The following CDH20 variants were observed in gnomAD, a reference collection of about 807,000 sequenced individuals.
CDH20 encodes the protein cadherin-20.
In CDH20, 29 loss-of-function variants were observed where a neutral mutation model predicts 74.2. That is an observed-to-expected ratio of 0.39 (90% CI 0.29 to 0.53). The LOEUF is 0.53. Ranked by LOEUF, CDH20 falls within the 20% of genes least tolerant of loss-of-function variation. The pLI is 0.69. For missense variants in CDH20, 988 were observed against 1,048.3 expected (o/e 0.94, Z 0.79); for synonymous variants, 469 against 405.4 (o/e 1.16, Z -1.88).
At chr18:61,525,089 G>C (rs1912343866) in intron 6 of CDH20, among the ~76,000 whole-genome samples, 1 of 151,978 alleles carries the variant, frequency 6.6e-6, no homozygotes, top group African/African-American at 2.4e-5. Flanking sequence ...GCCAGGGGCT[G>C]GGTGGGAGGG....
At chr18:61,448,432 C>T (rs893626970) in intron 1 of CDH20, among the ~76,000 whole-genome samples, 2 of 152,078 alleles carry the variant, frequency 1.3e-5, no homozygotes, top group Non-Finnish European at 2.9e-5. Flanking sequence ...TGAGAAAAGG[C>T]AAAAGCCAGA....
chr18:61,487,268 T>C (rs142025967), intron 1 of CDH20, among the ~76,000 whole-genome samples: 3 of 152,332 alleles, frequency 2.0e-5, no homozygotes, highest in East Asian at 1.9e-4. Context: ...TTGCTATTCA[T>C]ATCCTCTAGG....
chr18:61,411,063 G>T (rs1367607418), intron 1 of CDH20, among the ~76,000 whole-genome samples: 2 of 152,126 alleles, frequency 1.3e-5, no homozygotes, highest in African/African-American at 4.8e-5. Flanking sequence ...AGCAGGGCGT[G>T]GTGGCGGGAG....
At chr18:61,530,027 T>A (rs554154051) in intron 7 of CDH20, among the ~76,000 whole-genome samples, 3 of 152,026 alleles carry the variant, frequency 2.0e-5, no homozygotes, top group African/African-American at 4.8e-5. Flanking sequence ...GATCCTGAGA[T>A]GAAAATTGGT....
At chr18:61,420,357 CTTT>C (rs60607711) in intron 1 of CDH20, among the ~76,000 whole-genome samples, 5 of 135,192 alleles carry the variant, frequency 3.7e-5, no homozygotes, top group Admixed American at 7.4e-5. Context: ...TCTTCACAGG[CTTT>C]TTTTTTTTTT....
At chr18:61,355,218 A>G (rs1184335180) in intron 1 of CDH20, among the ~76,000 whole-genome samples, 1 of 152,348 alleles carries the variant, frequency 6.6e-6, no homozygotes, top group African/African-American at 2.4e-5. Context: ...AGTTCAAATT[A>G]TTCTACTGTT....
At chr18:61,465,767 A>G (rs1227955149) in intron 1 of CDH20, among the ~76,000 whole-genome samples, 1 of 152,140 alleles carries the variant, frequency 6.6e-6, no homozygotes, top group Non-Finnish European at 1.5e-5. Context: ...TTCTAATTCT[A>G]TTTCTAATTC....
intron 1 of CDH20, among the ~76,000 whole-genome samples, chr18:61,348,858 T>C (rs1390377): frequency 0.076 from 11,543 of 152,094 alleles, 622 homozygotes; most frequent in Middle Eastern, 0.15. Flanking sequence ...ATAACTACAT[T>C]TTATTTTTAT....
At chr18:61,390,400 G>A (rs543254023) in intron 1 of CDH20, among the ~76,000 whole-genome samples, 2 of 152,262 alleles carry the variant, frequency 1.3e-5, no homozygotes, top group African/African-American at 4.8e-5. Flanking sequence ...GGCCCAGAAT[G>A]CTAGAGTAAA....
In CDH20 at chr18:61,360,988, G is replaced by A. The variant is rs145984407; in HGVS notation, c.-153+27161G>A. On this transcript the variant is annotated intron_variant, in intron 1 of 11. Coordinates refer to ENST00000262717, the MANE Select transcript of CDH20 (RefSeq NM_031891.4). ...TTTATGCCTCAGTATTTTGAAGCAA[G>A]TGTGCATGTTAAATCTCAGTCGGGG... Among the ~76,000 whole-genome samples, 363 of 152,350 alleles carry A rather than the reference G, an allele frequency of 2.4e-3. 1 individual carries two copies. Among genetic ancestry groups the A allele is most frequent in the African/African-American group, 8.5e-3 (355 of 41,570 alleles).
intron 1 of CDH20, among the ~76,000 whole-genome samples, chr18:61,349,342 T>C (rs140466219): frequency 6.6e-6 from 1 of 152,222 alleles, no homozygotes; most frequent in African/African-American, 2.4e-5. Context: ...TGTTAGCAGT[T>C]TGAAATTCTA....
rs183370275 is a variant in CDH20, at chr18:61,380,724, G to A, written c.-153+46897G>A. Among the ~76,000 whole-genome samples the A allele has an allele frequency of 8.7e-4, 132 of 152,240 alleles. 2 individuals carry two copies. Among genetic ancestry groups the A allele is most frequent in the African/African-American group, 3.0e-3 (126 of 41,546 alleles). ...CTTGGGAGGCTGAGGCAGGAGAATC[G>A]CTTGAACCCAGGAGGCAGAGATTGC... On this transcript the variant is annotated intron_variant, in intron 1 of 11. Coordinates refer to ENST00000262717, the MANE Select transcript of CDH20 (RefSeq NM_031891.4).
intron 7 of CDH20, among the ~76,000 whole-genome samples, chr18:61,528,595 C>T (rs1302143557): frequency 2.0e-5 from 3 of 152,028 alleles, no homozygotes; most frequent in Non-Finnish European, 2.9e-5. Context: ...CTGGCCTTTA[C>T]GCACGAAATG....
At position 61,360,537 on chromosome 18, in the gene CDH20, G is replaced by T. The variant is rs560513125; in HGVS notation, c.-153+26710G>T. 3.9e-5 allele frequency among the ~76,000 whole-genome samples: 6 copies of T among 152,306 alleles called. No homozygotes were observed. The South Asian group carries it at 1.2e-3, about 32-fold the overall frequency. ...GAGCCCAGGCAGGAGGCGAGGGGAG[G>T]GGAGGGTAGGGGAGAGCTGAGATTT... On this transcript the variant is annotated intron_variant, in intron 1 of 11. Coordinates refer to ENST00000262717, the MANE Select transcript of CDH20 (RefSeq NM_031891.4).
intron 1 of CDH20, among the ~76,000 whole-genome samples, chr18:61,396,401 C>A (rs1911978865): frequency 6.6e-6 from 1 of 151,376 alleles, no homozygotes; most frequent in African/African-American, 2.5e-5. Context: ...TTCACCTGTT[C>A]ATCCTTTTTT....
intron 1 of CDH20, among the ~76,000 whole-genome samples, chr18:61,411,221 C>T (rs1293714232): frequency 6.6e-6 from 1 of 150,438 alleles, no homozygotes; most frequent in Non-Finnish European, 1.5e-5. Context: ...ATGTATATGG[C>T]AAGAATGGCC....
At chr18:61,459,203 TA>T (rs1314203050) in intron 1 of CDH20, among the ~76,000 whole-genome samples, 1 of 152,190 alleles carries the variant, frequency 6.6e-6, no homozygotes, top group Non-Finnish European at 1.5e-5. Flanking sequence ...ACCTTAGTGC[TA>T]AGTACATAGT....
chr18:61,496,284 TCCTTTCTCTCCCCTCCTC>T (rs558660299), intron 2 of CDH20, among the ~76,000 whole-genome samples: 3 of 102,092 alleles, frequency 2.9e-5, no homozygotes, highest in South Asian at 4.3e-4. Context: ...TTCCCTTCCC[TCCTTTCTCTCCCCTCCTC>T]CCTTTCTCTC....
At chr18:61,528,351 T>C in intron 7 of CDH20, 131 bp downstream of exon 7, 1 of 965,518 alleles carries the variant, frequency 1.0e-6, no homozygotes, top group East Asian at 2.4e-5. Flanking sequence ...CTTTGAGTTT[T>C]TTGTGTTGTT....
Sources: allele counts gnomAD v4.1 joint callset (sites outside exome capture counted in the v4.1 genomes callset), GRCh38; gene constraint gnomAD v4.1.1; transcripts MANE v1.5; gene names NCBI Gene and HGNC (gene_info 2026-07-23, HGNC 2026-07-21).